The following KIF15 variants were observed in gnomAD, a reference collection of about 807,000 sequenced individuals.
KIF15 encodes the protein kinesin-like protein KIF15.
Under a neutral mutation model 190.6 loss-of-function variants are expected in KIF15, and 140 were observed. That is an observed-to-expected ratio of 0.73 (90% CI 0.64 to 0.84). The LOEUF (loss-of-function observed/expected upper bound fraction) is 0.84. Among genes scored for constraint, KIF15 ranks in the 40% least tolerant of loss-of-function variants. The pLI is 0.00. For missense variants in KIF15, 1,372 were observed against 1,584.4 expected, an observed-to-expected ratio of 0.87 and a Z score of 2.28; for synonymous variants, 528 against 551.3, an observed-to-expected ratio of 0.96 and a Z score of 0.59.
chr3:44,821,327 CG>C (rs1708287281), intron 20 of KIF15, among the ~76,000 whole-genome samples: 1 of 150,822 alleles, frequency 6.6e-6, no homozygotes, highest in Non-Finnish European at 1.5e-5. Context: ...CCTTCCTGGA[CG>C]GGGTGGCTGC....
At chr3:44,775,493 G>C (rs1330087847) in intron 3 of KIF15, 56 bp downstream of exon 3, 2 of 1,343,724 alleles carry the variant, frequency 1.5e-6, no homozygotes, top group Non-Finnish European at 2.0e-6. Flanking sequence ...GTCTCACTCT[G>C]TCACCAGGCT....
chr3:44,808,353 T>G (rs1707615708), intron 16 of KIF15, among the ~76,000 whole-genome samples: 1 of 152,238 alleles, frequency 6.6e-6, no homozygotes. Context: ...GAGTCTTTGT[T>G]GTTGTTTTAG....
intron 6 of KIF15, among the ~76,000 whole-genome samples, chr3:44,861,211 G>C (rs555895209): frequency 6.6e-6 from 1 of 151,156 alleles, no homozygotes; most frequent in South Asian, 2.1e-4. Context: ...GGCTGGTCTC[G>C]AACTCCCGAC....
At chr3:44,808,114 T>C (rs1452679954) in intron 16 of KIF15, among the ~76,000 whole-genome samples, 1 of 152,102 alleles carries the variant, frequency 6.6e-6, no homozygotes. Context: ...AGAATTTTTT[T>C]TTACTGTTGC....
rs549161188 is a variant in KIF15 at position 44,823,089 on chromosome 3, CT to C, written c.2550-2949del. ...AATCCTTTGGAGGAGAAGAGGCGCT[CT>C]GGTTTTTAGAATTTTCAGCTTTTCT... On this transcript the variant is annotated intron_variant, in intron 20 of 34. Coordinates refer to ENST00000326047, the MANE Select transcript of KIF15 (RefSeq NM_020242.3). 2.8e-4 allele frequency among the ~76,000 whole-genome samples: 43 copies of C among 152,262 alleles called. No homozygotes were observed. The East Asian group carries it at 8.3e-3, about 29-fold the overall frequency.
intron 3 of KIF15, 110 bp from the exon 4 acceptor site, chr3:44,778,005 A>T: frequency 2.5e-6 from 2 of 802,634 alleles, no homozygotes; most frequent in Admixed American, 1.8e-5. Context: ...TCTGTAGTGG[A>T]TGTTATCCAT....
At chr3:44,787,705 C>G (rs1237218163) in intron 7 of KIF15, among the ~76,000 whole-genome samples, 1 of 152,094 alleles carries the variant, frequency 6.6e-6, no homozygotes, top group Non-Finnish European at 1.5e-5. Flanking sequence ...CATAGTATGT[C>G]TCCTCTTTTT....
intron 26 of KIF15, among the ~76,000 whole-genome samples, chr3:44,831,679 G>A (rs550874788): frequency 2.8e-4 from 42 of 152,070 alleles, no homozygotes; most frequent in Non-Finnish European, 5.1e-4. Flanking sequence ...TTTTTTTGTT[G>A]TTGATGATGT....
intron 5 of KIF15, among the ~76,000 whole-genome samples, chr3:44,784,274 C>T (rs1265831621): frequency 2.0e-5 from 3 of 152,156 alleles, no homozygotes; most frequent in Non-Finnish European, 4.4e-5. Flanking sequence ...CAGGTTCACG[C>T]CATTCTCCTG....
chr3:44,821,060 C>T (rs1256745879), intron 20 of KIF15, among the ~76,000 whole-genome samples: 9 of 141,652 alleles, frequency 6.4e-5, no homozygotes, highest in Admixed American at 4.1e-4. Flanking sequence ...CCGGATGGGG[C>T]GGCAGGCCGG....
At chr3:44,778,297 T>C in intron 4 of KIF15, 106 bp downstream of exon 4, 2 of 892,156 alleles carry the variant, frequency 2.2e-6, no homozygotes, top group Non-Finnish European at 3.8e-6. Context: ...AACACAAATG[T>C]ATTATGTTAC....
chr3:44,762,007 G>A (rs1705167163), intron 1 of KIF15, 123 bp downstream of exon 1: 2 of 1,259,386 alleles, frequency 1.6e-6, no homozygotes, highest in Non-Finnish European at 2.3e-6. Flanking sequence ...CTGAGTGACC[G>A]GCGGGGACGT....
rs557807939 is a variant in KIF15 at position 44,859,162 on chromosome 3, G to A, written c.*59+6368G>A. Among the ~76,000 whole-genome samples, 7 of 152,316 alleles carry A rather than the reference G, an allele frequency of 4.6e-5. No homozygotes were observed. The South Asian group carries it at 6.2e-4, about 14-fold the overall frequency. On this transcript the variant is annotated intron_variant and NMD_transcript_variant, in intron 6 of 6. Coordinates refer to the KIF15 transcript ENST00000422209. ...CTTTAAGCAAGCTCCTGTGGGAGGC[G>A]GTCCTGGAGGAAAGCCTGGCCACTG...
At chr3:44,838,617 G>A (rs559893480) in intron 27 of KIF15, among the ~76,000 whole-genome samples, 196 bp downstream of exon 27, 6 of 151,614 alleles carry the variant, frequency 4.0e-5, no homozygotes, top group East Asian at 1.9e-4. Flanking sequence ...GCGTGGTGGC[G>A]CTCACCTGTA....
intron 6 of KIF15, among the ~76,000 whole-genome samples, chr3:44,866,166 G>A (rs965904701): frequency 5.0e-4 from 75 of 150,022 alleles, no homozygotes; most frequent in South Asian, 8.7e-4. Flanking sequence ...TCTGCCTCCC[G>A]GGTTCGCGCC....
At chr3:44,793,719 G>C (rs188133764) in intron 7 of KIF15, among the ~76,000 whole-genome samples, 20 of 152,120 alleles carry the variant, frequency 1.3e-4, no homozygotes, top group African/African-American at 4.1e-4. Flanking sequence ...CCTCACCCCT[G>C]TTCTAAATAG....
intron 19 of KIF15, among the ~76,000 whole-genome samples, chr3:44,814,071 A>C (rs1559557377): frequency 6.6e-6 from 1 of 152,124 alleles, no homozygotes; most frequent in Non-Finnish European, 1.5e-5. Context: ...TTTTCCCTTC[A>C]TTAAAGTATT....
chr3:44,855,985 T>C (rs898411111), downstream of KIF15, among the ~76,000 whole-genome samples: 3 of 152,158 alleles, frequency 2.0e-5, no homozygotes, highest in African/African-American at 7.2e-5. Flanking sequence ...GTTCTACCTT[T>C]CCTGAAGATT....
In KIF15 at chr3:44,812,287, G is replaced by T. The variant is rs772047866; in HGVS notation, c.2275G>T (p.Glu759Ter). The change falls in exon 18 of 35, where the codon GAG becomes TAG. Residue 759 changes from glutamate (E) to a stop codon, truncating the protein, a stop_gained and splice_region_variant. Coordinates refer to ENST00000326047, the MANE Select transcript of KIF15 (RefSeq NM_020242.3). LOFTEE classifies it high-confidence loss of function. ...GGAACATCATTCTACCCAAATGCAG[G>T]AGGTGAGACCAAGAGCACAGCCTCA... The part of the protein sequence containing the change: ...KLEHHSTQMQ[E>*]LFSSERIDWT... 6.2e-7 allele frequency: 1 copy of T among 1,610,460 alleles called. No individual in the cohort carries two copies. Among genetic ancestry groups the T allele is most frequent in the Admixed American group, 1.7e-5 (1 of 59,938 alleles).
Sources: gnomAD v4.1 joint callset for allele counts (sites outside exome capture counted in the v4.1 genomes callset) on GRCh38, gnomAD v4.1.1 for gene constraint, MANE v1.5 for transcripts, NCBI Gene and HGNC (gene_info 2026-07-23, HGNC 2026-07-21) for gene names.